The following PARD6B variants were observed in gnomAD, a reference collection of about 807,000 sequenced individuals.
PARD6B encodes the protein par-6 family cell polarity regulator beta.
PARD6B carries 4 observed loss-of-function variants against 10.5 expected under a neutral mutation model. That is an observed-to-expected ratio of 0.38 (90% CI 0.19 to 0.87). PARD6B has a LOEUF of 0.87. PARD6B is among the 40% of genes least tolerant of loss of function. The pLI, the probability that PARD6B is intolerant of heterozygous loss-of-function variation, is 0.41. For synonymous variants in PARD6B, 169 were observed against 170.4 expected (o/e 0.99, Z 0.07); for missense variants, 396 against 470.6 (o/e 0.84, Z 1.47).
Position 50,731,714 on chromosome 20 carries a change from T to A in PARD6B, c.-73T>A. The A allele has an allele frequency of 6.1e-6, 8 of 1,319,024 alleles. No homozygotes were observed. The highest frequency in any genetic ancestry group is 7.8e-6 in the Non-Finnish European group (8 of 1,021,068). The allele number at this position is 1,319,024 out of a possible 1,614,324, so 81.7% of individuals were successfully genotyped here. On this transcript the variant is annotated 5_prime_UTR_variant, in exon 1 of 3. Transcript: ENST00000371610. ...CGCAACCGCTTTCCGAGATCCCCAG[T>A]CGCGCACTCGCTCCCCGCGCTCCTG...
chr20:50,733,203 T>A (rs548772753), intron 1 of PARD6B, among the ~76,000 whole-genome samples: 1 of 152,332 alleles, frequency 6.6e-6, no homozygotes, highest in African/African-American at 2.4e-5. Flanking sequence ...GTGGATCACC[T>A]GAGGTCAGGA....
chr20:50,750,299 T>C lies in PARD6B; in HGVS notation c.930T>C (p.Ala310=), dbSNP rs1284730928. The C allele has an allele frequency of 1.2e-6, 2 of 1,614,242 alleles. No individual in the cohort carries two copies. Among genetic ancestry groups the C allele is most frequent in the East Asian group, 2.2e-5 (1 of 44,882 alleles). Residue 310 remains alanine (A), a synonymous_variant, in exon 3 of 3, where the codon GCT becomes GCC. Transcript: ENST00000371610. ...DNGVPQQIPK[A]VPNTESLESL... ...GAGTGCCACAGCAGATTCCAAAAGC[T>C]GTTCCTAATACTGAGAGCCTGGAGT...
chr20:50,751,350 C>CTTTTT lies in PARD6B; in HGVS notation c.*881_*885dup, dbSNP rs11467364. ...ATTTCCAGTTTCTTTTCTTTTCTTT[C>CTTTTT]TTTTTTTTTTTTTTTTTTTTTTTGA... On this transcript the variant is annotated 3_prime_UTR_variant, in exon 3 of 3. Transcript: ENST00000371610. The CTTTTT allele has an allele frequency of 3.1e-5, 22 of 709,030 alleles. No homozygotes were observed. Among genetic ancestry groups the CTTTTT allele is most frequent in the Admixed American group, 2.0e-4 (1 of 5,020 alleles). 43.9% of individuals were successfully genotyped at this position (709,030 alleles called of 1,614,324 possible). A position where few individuals can be genotyped will look rare whatever the true frequency, so the allele number is the denominator to read the frequency against.
At chr20:50,739,360 T>C (rs2087517478) in intron 2 of PARD6B, among the ~76,000 whole-genome samples, 1 of 152,030 alleles carries the variant, frequency 6.6e-6, no homozygotes, top group African/African-American at 2.4e-5. Context: ...GGCAGGAGAA[T>C]CAGCCAGGAG....
At chr20:50,747,485 C>CTT (rs2087574374) in intron 2 of PARD6B, among the ~76,000 whole-genome samples, 25 of 35,904 alleles carry the variant, frequency 7.0e-4, no homozygotes, top group African/African-American at 1.6e-3. Flanking sequence ...TTTTTTCTTT[C>CTT]TTTCTTTTTT....
At chr20:50,741,826 G>T (rs749266889) in intron 2 of PARD6B, among the ~76,000 whole-genome samples, 7 of 152,110 alleles carry the variant, frequency 4.6e-5, no homozygotes, top group Non-Finnish European at 1.0e-4. Context: ...GATTACAGGC[G>T]TGAGCCACCG....
chr20:50,746,153 C>T (rs571364840), intron 2 of PARD6B, among the ~76,000 whole-genome samples: 14 of 151,964 alleles, frequency 9.2e-5, no homozygotes, highest in African/African-American at 3.4e-4. Context: ...GGATCCTTAC[C>T]CTTTGCTCTG....
chr20:50,749,421 A>T (rs760503896), intron 2 of PARD6B, among the ~76,000 whole-genome samples: 2 of 152,148 alleles, frequency 1.3e-5, no homozygotes, highest in African/African-American at 4.8e-5. Flanking sequence ...AGCTCTATCA[A>T]ATTTAACTTC....
At position 50,731,934 on chromosome 20, in the gene PARD6B, G is replaced by A. The variant is rs1268601579; in HGVS notation, c.66+82G>A. Reference sequence around the variant, plus strand: ...AGGCCGGGCCAGGCTCGGAGCGCCGGGGGAGGCGACGGGCTGAGCTGCCCC... The same window carrying A: ...AGGCCGGGCCAGGCTCGGAGCGCCGAGGGAGGCGACGGGCTGAGCTGCCCC... On this transcript the variant is annotated intron_variant, in intron 1 of 2. Coordinates refer to ENST00000371610, the MANE Select transcript of PARD6B (RefSeq NM_032521.3). 1.6e-5 allele frequency: 20 copies of A among 1,220,736 alleles called. No homozygotes were observed. In the South Asian group the frequency reaches 1.9e-4, roughly 12 times the overall value. The allele number at this position is 1,220,736 out of a possible 1,614,324, so 75.6% of individuals were successfully genotyped here. A position where few individuals can be genotyped will look rare whatever the true frequency, so the allele number is the denominator to read the frequency against.
intron 2 of PARD6B, among the ~76,000 whole-genome samples, chr20:50,745,971 T>G (rs1211121719): frequency 1.3e-5 from 2 of 152,230 alleles, no homozygotes; most frequent in Non-Finnish European, 2.9e-5. Flanking sequence ...CCTCTGATCT[T>G]CAAGTGGGGC....
chr20:50,739,123 C>T (rs2087515554), intron 2 of PARD6B, among the ~76,000 whole-genome samples: 1 of 151,806 alleles, frequency 6.6e-6, no homozygotes. Context: ...AAATTAAAGA[C>T]TTACGGTATT....
At position 50,731,671 on chromosome 20, in the gene PARD6B, G is replaced by C; in HGVS notation, c.-116G>C. Reference sequence around the variant, plus strand: ...GCGGCCGCCCCCTCTGCAGGTGCCTGTGAGGAGGCGCCCGGGCCGCAACCG... The same window carrying C: ...GCGGCCGCCCCCTCTGCAGGTGCCTCTGAGGAGGCGCCCGGGCCGCAACCG... On this transcript the variant is annotated 5_prime_UTR_variant, in exon 1 of 3. Transcript: ENST00000371610. 1.0e-5 allele frequency: 9 copies of C among 892,766 alleles called. No homozygotes were observed. The highest frequency in any genetic ancestry group is 1.4e-5 in the Non-Finnish European group (9 of 647,544). The allele number at this position is 892,766 out of a possible 1,614,324, so 55.3% of individuals were successfully genotyped here.
rs971941433 is a variant in PARD6B, at chr20:50,731,677, A to T, written c.-110A>T. ...GCCCCCTCTGCAGGTGCCTGTGAGG[A>T]GGCGCCCGGGCCGCAACCGCTTTCC... On this transcript the variant is annotated 5_prime_UTR_variant, in exon 1 of 3. Transcript: ENST00000371610. The T allele has an allele frequency of 4.2e-6, 4 of 959,880 alleles. No homozygotes were observed. Among genetic ancestry groups the T allele is most frequent in the Admixed American group, 8.4e-5 (2 of 23,712 alleles). The allele number at this position is 959,880 out of a possible 1,614,324, so 59.5% of individuals were successfully genotyped here.
intron 2 of PARD6B, among the ~76,000 whole-genome samples, chr20:50,745,372 C>T (rs986966470): frequency 6.8e-5 from 10 of 147,186 alleles, no homozygotes; most frequent in Non-Finnish European, 1.2e-4. Context: ...TGCAGTGAGC[C>T]GAGATCGTGT....
rs551644052 is a variant in PARD6B at position 50,752,731 on chromosome 20, T to C, written c.*2243T>C. On this transcript the variant is annotated 3_prime_UTR_variant, in exon 3 of 3. Coordinates refer to ENST00000371610, the MANE Select transcript of PARD6B (RefSeq NM_032521.3). ...ACTCCGCTTTGAAGGATGTTTTCTCTATATGGTAAAATATATATGAAGAAG... is the reference window on the plus strand; with the variant it reads ...ACTCCGCTTTGAAGGATGTTTTCTCCATATGGTAAAATATATATGAAGAAG... 2 of 981,894 alleles carry C rather than the reference T, an allele frequency of 2.0e-6. No individual in the cohort carries two copies. Among genetic ancestry groups the C allele is most frequent in the Non-Finnish European group, 2.4e-6 (2 of 826,290 alleles). 60.8% of individuals were successfully genotyped at this position (981,894 alleles called of 1,614,324 possible).
intron 1 of PARD6B, 125 bp downstream of exon 1, chr20:50,731,977 G>T (rs926151565): frequency 2.7e-6 from 2 of 754,370 alleles, no homozygotes; most frequent in Non-Finnish European, 3.7e-6. Context: ...GGACGGTGCG[G>T]TCGGGAGACT....
chr20:50,750,664 G>A lies in PARD6B; in HGVS notation c.*176G>A, dbSNP rs2087599627. 3.6e-6 allele frequency: 5 copies of A among 1,386,542 alleles called. No individual in the cohort carries two copies. Among genetic ancestry groups the A allele is most frequent in the South Asian group, 1.7e-5 (1 of 58,758 alleles). 85.9% of individuals were successfully genotyped at this position (1,386,542 alleles called of 1,614,324 possible). A position where few individuals can be genotyped will look rare whatever the true frequency, so the allele number is the denominator to read the frequency against. Reference sequence around the variant, plus strand: ...GATAATTGTTAATATAAACTTTGGTGGATCAGAGGTGAATTTAAGTCCAAA... The same window carrying A: ...GATAATTGTTAATATAAACTTTGGTAGATCAGAGGTGAATTTAAGTCCAAA... On this transcript the variant is annotated 3_prime_UTR_variant, in exon 3 of 3. Coordinates refer to ENST00000371610, the MANE Select transcript of PARD6B (RefSeq NM_032521.3).
intron 1 of PARD6B, among the ~76,000 whole-genome samples, chr20:50,732,341 C>T (rs971030532): frequency 6.6e-6 from 1 of 152,084 alleles, no homozygotes; most frequent in Admixed American, 6.5e-5. Flanking sequence ...TTCCTGCTGG[C>T]GCTCTTTCTA....
rs569249937 is a variant in PARD6B, at chr20:50,735,175, A to G, written c.67-2682A>G. Among the ~76,000 whole-genome samples, 4 of 152,314 alleles carry G rather than the reference A, an allele frequency of 2.6e-5. No individual in the cohort carries two copies. The East Asian group carries it at 7.7e-4, about 29-fold the overall frequency. On this transcript the variant is annotated intron_variant, in intron 1 of 2. Coordinates refer to ENST00000371610, the MANE Select transcript of PARD6B (RefSeq NM_032521.3). ...TCAAAAAAATAAAAAAATGCAATAA[A>G]GCAGTAGTGTCAACATTATTATCTT...
Sources: gnomAD v4.1 joint callset for allele counts (sites outside exome capture counted in the v4.1 genomes callset) on GRCh38, gnomAD v4.1.1 for gene constraint, MANE v1.5 for transcripts, NCBI Gene and HGNC (gene_info 2026-07-23, HGNC 2026-07-21) for gene names.